RASEF: variants seen among roughly 807,000 people sequenced by gnomAD.
RASEF encodes the protein ras and EF-hand domain-containing protein.
In RASEF, 68 loss-of-function variants were observed where a neutral mutation model predicts 90.1. The observed-to-expected ratio is 0.75, with a 90% confidence interval of 0.62 to 0.92. The LOEUF is 0.92. RASEF is among the 40% of genes least tolerant of loss of function. The pLI, the probability that RASEF is intolerant of heterozygous loss-of-function variation, is 0.00. For missense variants in RASEF, 949 were observed against 937.2 expected, an observed-to-expected ratio of 1.01 and a Z score of -0.16; for synonymous variants, 331 against 345.2, an observed-to-expected ratio of 0.96 and a Z score of 0.46.
the RASEF span, among the ~76,000 whole-genome samples, chr9:83,184,534 C>G: frequency 1.3e-5 from 2 of 152,092 alleles, no homozygotes; most frequent in African/African-American, 4.8e-5. Context: ...GGACCATTGC[C>G]CATGCTAGTC....
chr9:83,144,650 G>A, the RASEF span, among the ~76,000 whole-genome samples: 1 of 152,128 alleles, frequency 6.6e-6, no homozygotes, highest in Non-Finnish European at 1.5e-5. Context: ...GTGTGAAAGA[G>A]CACAGTACAT....
chr9:83,132,248 C>T, the RASEF span, among the ~76,000 whole-genome samples: 1 of 152,070 alleles, frequency 6.6e-6, no homozygotes, highest in African/African-American at 2.4e-5. Context: ...TCGGAGCTAC[C>T]ATGTAATAGT....
chr9:83,179,720 A>G, the RASEF span, among the ~76,000 whole-genome samples: 8 of 152,322 alleles, frequency 5.3e-5, no homozygotes, highest in African/African-American at 1.9e-4. Flanking sequence ...AATATTTTAT[A>G]TTTAAAAGTA....
At chr9:83,071,926 C>A in the RASEF span, among the ~76,000 whole-genome samples, 2 of 152,172 alleles carry the variant, frequency 1.3e-5, no homozygotes, top group East Asian at 3.8e-4. Flanking sequence ...GACATTAGTT[C>A]TGCTACCTTC....
chr9:83,170,745 C>G, the RASEF span, among the ~76,000 whole-genome samples: 1 of 151,882 alleles, frequency 6.6e-6, no homozygotes, highest in Non-Finnish European at 1.5e-5. Flanking sequence ...TATAGAAACA[C>G]TACTGATATC....
At chr9:83,141,085 G>A in the RASEF span, among the ~76,000 whole-genome samples, 1 of 149,600 alleles carries the variant, frequency 6.7e-6, no homozygotes. Flanking sequence ...GGAGGCTGCA[G>A]TGAGCCGATA....
chr9:83,132,199 C>CA, the RASEF span, among the ~76,000 whole-genome samples: 2 of 152,126 alleles, frequency 1.3e-5, 1 homozygote, highest in Non-Finnish European at 2.9e-5. Context: ...AGAGTCATGG[C>CA]ATCTTCTACT....
chr9:83,184,079 A>G, the RASEF span, among the ~76,000 whole-genome samples: 1 of 152,232 alleles, frequency 6.6e-6, no homozygotes, highest in African/African-American at 2.4e-5. Flanking sequence ...GAGGAAGAGC[A>G]AAGAAGAAAC....
At chr9:83,029,829 G>T (rs1829614158) in intron 1 of RASEF, among the ~76,000 whole-genome samples, 1 of 152,068 alleles carries the variant, frequency 6.6e-6, no homozygotes, top group African/African-American at 2.4e-5. Context: ...TTTATTTGGT[G>T]GTATAAGACA....
intron 6 of RASEF, among the ~76,000 whole-genome samples, chr9:83,009,070 A>T (rs2118490196): frequency 6.6e-6 from 1 of 151,246 alleles, no homozygotes; most frequent in South Asian, 2.1e-4. Context: ...AATTCTGATT[A>T]AAGTTTGCAA....
At chr9:83,086,605 G>T in the RASEF span, among the ~76,000 whole-genome samples, 1 of 152,086 alleles carries the variant, frequency 6.6e-6, no homozygotes, top group African/African-American at 2.4e-5. Flanking sequence ...TTGCTGTGGG[G>T]GCTGCAGTCT....
At chr9:83,043,492 C>A (rs1418647515) in intron 1 of RASEF, among the ~76,000 whole-genome samples, 1 of 152,200 alleles carries the variant, frequency 6.6e-6, no homozygotes, top group African/African-American at 2.4e-5. Context: ...GAAAACTCAG[C>A]AAGCTGTACA....
chr9:83,175,470 T>A, the RASEF span, among the ~76,000 whole-genome samples: 1 of 152,222 alleles, frequency 6.6e-6, no homozygotes, highest in Non-Finnish European at 1.5e-5. Flanking sequence ...GTAGTAGTAG[T>A]GTATAATCCT....
intron 1 of RASEF, among the ~76,000 whole-genome samples, chr9:83,028,222 C>T (rs1304875126): frequency 6.6e-6 from 1 of 152,190 alleles, no homozygotes; most frequent in African/African-American, 2.4e-5. Context: ...ATTTAAAAAT[C>T]ACCTCCAACG....
the RASEF span, among the ~76,000 whole-genome samples, chr9:83,071,093 C>A: frequency 8.5e-5 from 13 of 152,248 alleles, no homozygotes; most frequent in Admixed American, 2.0e-4. Context: ...TCTTCATTTT[C>A]AATCTGTATG....
At chr9:83,074,230 G>T in the RASEF span, among the ~76,000 whole-genome samples, 1 of 152,152 alleles carries the variant, frequency 6.6e-6, no homozygotes, top group Admixed American at 6.5e-5. Context: ...GAAAACAAAG[G>T]ATCACAGATT....
chr9:83,097,171 T>C, the RASEF span, among the ~76,000 whole-genome samples: 1 of 152,202 alleles, frequency 6.6e-6, no homozygotes, highest in Non-Finnish European at 1.5e-5. Flanking sequence ...CTGGGTCAAA[T>C]GGTATTTCTA....
the RASEF span, among the ~76,000 whole-genome samples, chr9:83,173,355 T>C: frequency 7.9e-5 from 12 of 152,048 alleles, no homozygotes; most frequent in East Asian, 2.3e-3. Context: ...TACATCCTCT[T>C]TATGGCCACC....
rs1829028900 is a variant in RASEF, at chr9:83,001,052, T to C, written c.1281A>G (p.Glu427=). 1.9e-6 allele frequency: 3 copies of C among 1,614,028 alleles called. No homozygotes were observed. Among genetic ancestry groups the C allele is most frequent in the Admixed American group, 1.7e-5 (1 of 60,004 alleles). Residue 427 remains glutamate (E), a synonymous_variant, in exon 10 of 17, where the codon GAA becomes GAG. Coordinates refer to ENST00000376447, the MANE Select transcript of RASEF (RefSeq NM_152573.4). ...AGCAGCTTTCAGGCAGGCTGTCAAC[T>C]TCACAATTTGTCCTCTGCAGAGGAT... is the stretch of plus-strand genomic sequence containing the variant. ...LCDPLQRTNC[E]VDSLPESCFD... is the part of the protein sequence containing the mutation.
Sources: allele counts gnomAD v4.1 joint callset (sites outside exome capture counted in the v4.1 genomes callset), GRCh38; gene constraint gnomAD v4.1.1; transcripts MANE v1.5; gene names NCBI Gene and HGNC (gene_info 2026-07-23, HGNC 2026-07-21).